Variants in GALNT13 observed in about 807,000 individuals in gnomAD.
GALNT13 encodes UDP-GalNAc:polypeptide N-acetylgalactosaminyltransferase 13.
GALNT13 carries 28 observed loss-of-function variants against 64.2 expected under a neutral mutation model. That is an observed-to-expected ratio of 0.44 (90% CI 0.32 to 0.60). The LOEUF (loss-of-function observed/expected upper bound fraction) is 0.60, where lower values mean the gene tolerates loss of function less well. Among genes scored for constraint, GALNT13 ranks in the 20% least tolerant of loss-of-function variants. The pLI, the probability that GALNT13 is intolerant of heterozygous loss-of-function variation, is 0.05. For synonymous variants in GALNT13, 214 were observed against 224.6 expected, an observed-to-expected ratio of 0.95 and a Z score of 0.42; for missense variants, 577 against 669.8, an observed-to-expected ratio of 0.86 and a Z score of 1.53.
chr2:153,615,848 G>A, the GALNT13 span, among the ~76,000 whole-genome samples: 1 of 151,924 alleles, frequency 6.6e-6, no homozygotes, highest in Admixed American at 6.6e-5. Flanking sequence ...TCCCTTGTCA[G>A]GTGACCAGTT....
At chr2:153,914,857 C>T (rs1271013746) in intron 2 of GALNT13, among the ~76,000 whole-genome samples, 2 of 152,104 alleles carry the variant, frequency 1.3e-5, no homozygotes, top group East Asian at 1.9e-4. Flanking sequence ...ACATTCTGGA[C>T]AATCCTCCAG....
chr2:153,618,767 T>A, the GALNT13 span, among the ~76,000 whole-genome samples: 6 of 152,154 alleles, frequency 3.9e-5, no homozygotes, highest in African/African-American at 1.4e-4. Context: ...TATTATTGTA[T>A]AATGACCTTC....
the GALNT13 span, among the ~76,000 whole-genome samples, chr2:153,648,498 C>A: frequency 5.9e-5 from 9 of 152,090 alleles, no homozygotes; most frequent in South Asian, 2.1e-4. Context: ...ACTTCCAACA[C>A]TATGTTGAAT....
At chr2:153,311,996 G>A in the GALNT13 span, among the ~76,000 whole-genome samples, 1 of 152,154 alleles carries the variant, frequency 6.6e-6, no homozygotes. Context: ...TTATAAATGT[G>A]TATCATTTGA....
chr2:153,683,317 G>A, the GALNT13 span, among the ~76,000 whole-genome samples: 1 of 151,722 alleles, frequency 6.6e-6, no homozygotes, highest in Admixed American at 6.6e-5. Context: ...GCAGTGCCTA[G>A]CACATAATAA....
the GALNT13 span, among the ~76,000 whole-genome samples, chr2:153,416,345 T>C: frequency 6.6e-6 from 1 of 152,200 alleles, no homozygotes; most frequent in African/African-American, 2.4e-5. Flanking sequence ...GAACAAGCAC[T>C]GAGCCAAATA....
chr2:153,849,016 T>C, the GALNT13 span, among the ~76,000 whole-genome samples: 1 of 151,882 alleles, frequency 6.6e-6, no homozygotes, highest in East Asian at 1.9e-4. Context: ...GATCAACCTC[T>C]CTTATTAATC....
At chr2:153,784,755 C>T in the GALNT13 span, among the ~76,000 whole-genome samples, 1 of 152,190 alleles carries the variant, frequency 6.6e-6, no homozygotes. Context: ...TCCACAACAC[C>T]TCGCAGGATA....
intron 9 of GALNT13, among the ~76,000 whole-genome samples, chr2:154,344,717 T>A (rs535440566): frequency 1.3e-5 from 2 of 152,026 alleles, no homozygotes; most frequent in East Asian, 3.9e-4. Flanking sequence ...AACCAGAAAA[T>A]CTAAATTCTC....
At chr2:154,117,141 A>T (rs1408458487) in intron 3 of GALNT13, among the ~76,000 whole-genome samples, 1 of 152,082 alleles carries the variant, frequency 6.6e-6, no homozygotes, top group Admixed American at 6.6e-5. Context: ...CTGGCAACTG[A>T]TTAGATGGCA....
At chr2:153,330,728 G>A in the GALNT13 span, among the ~76,000 whole-genome samples, 2 of 152,034 alleles carry the variant, frequency 1.3e-5, no homozygotes, top group Non-Finnish European at 2.9e-5. Context: ...CACAGCGAGA[G>A]ATTGTTTGAC....
intron 9 of GALNT13, among the ~76,000 whole-genome samples, chr2:154,331,232 A>G (rs1695151209): frequency 6.6e-6 from 1 of 152,138 alleles, no homozygotes; most frequent in African/African-American, 2.4e-5. Flanking sequence ...ACAAGCTGAA[A>G]AGATTATCGT....
the GALNT13 span, among the ~76,000 whole-genome samples, chr2:153,527,400 C>T: frequency 0.041 from 6,253 of 152,034 alleles, 402 homozygotes; most frequent in African/African-American, 0.14. Flanking sequence ...ATTTAAAGTG[C>T]GGAAGGAAAA....
chr2:153,534,737 G>A, the GALNT13 span, among the ~76,000 whole-genome samples: 1 of 151,890 alleles, frequency 6.6e-6, no homozygotes, highest in Non-Finnish European at 1.5e-5. Flanking sequence ...TTTGAGCCAG[G>A]ATGAGCTAGG....
At chr2:154,309,212 C>A (rs1267085901) in intron 9 of GALNT13, among the ~76,000 whole-genome samples, 7 of 152,138 alleles carry the variant, frequency 4.6e-5, no homozygotes. Flanking sequence ...CTTAGGTGAA[C>A]TGCTTACATT....
At chr2:153,342,279 C>G in the GALNT13 span, among the ~76,000 whole-genome samples, 4 of 152,058 alleles carry the variant, frequency 2.6e-5, no homozygotes, top group Non-Finnish European at 5.9e-5. Context: ...GGTCTGTGTC[C>G]AGTGATCTTA....
At chr2:154,180,121 T>C (rs1304783585) in intron 4 of GALNT13, among the ~76,000 whole-genome samples, 1 of 152,158 alleles carries the variant, frequency 6.6e-6, no homozygotes, top group African/African-American at 2.4e-5. Context: ...ACACACATAA[T>C]ACAGATGGCA....
chr2:153,098,270 C>T, the GALNT13 span, among the ~76,000 whole-genome samples: 1 of 152,088 alleles, frequency 6.6e-6, no homozygotes, highest in Non-Finnish European at 1.5e-5. Flanking sequence ...ATAGTATTCC[C>T]TGAAGTCTTG....
At chr2:154,388,817 CA>C (rs1698639612) in intron 9 of GALNT13, among the ~76,000 whole-genome samples, 5 of 151,908 alleles carry the variant, frequency 3.3e-5, no homozygotes, top group African/African-American at 9.7e-5. Flanking sequence ...GAAAATATCA[CA>C]AAAAAATTAT....
Sources: gnomAD v4.1 joint callset for allele counts (sites outside exome capture counted in the v4.1 genomes callset) on GRCh38, gnomAD v4.1.1 for gene constraint, MANE v1.5 for transcripts, NCBI Gene and HGNC (gene_info 2026-07-23, HGNC 2026-07-21) for gene names.